CRYBG3: variants seen among roughly 807,000 people sequenced by gnomAD.
CRYBG3 encodes the protein crystallin beta-gamma domain containing 3.
CRYBG3 carries 127 observed loss-of-function variants against 244.2 expected under a neutral mutation model. The ratio of observed to expected loss-of-function variants is 0.52; its 90% confidence interval spans 0.45 to 0.60. CRYBG3 has a LOEUF of 0.60. CRYBG3 is among the 20% of genes least tolerant of loss of function. The pLI is 0.00. For synonymous variants in CRYBG3, 1,132 were observed against 1,195.8 expected (o/e 0.95, Z 1.10); for missense variants, 3,325 against 3,442.5 (o/e 0.97, Z 0.85).
rs1250383068 is a variant in CRYBG3, at chr3:97,872,974, A to G, written c.1780A>G (p.Ile594Val). 3.9e-6 allele frequency: 6 copies of G among 1,535,608 alleles called. No homozygotes were observed. Among genetic ancestry groups the G allele is most frequent in the Non-Finnish European group, 5.2e-6 (6 of 1,146,740 alleles). Residue 594 changes from isoleucine to valine, a missense_variant, in exon 4 of 22, where the codon ATC becomes GTC. By Grantham distance (29) the Ile-to-Val change is conservative (BLOSUM62 3). Coordinates refer to ENST00000389622, the MANE Select transcript of CRYBG3 (RefSeq NM_153605.4). ...AAAAGACCTGGCCTCTTTAAATTACATCAGTGAATCAGCAGTTGTAGCAAG... is the reference window on the plus strand; with the variant it reads ...AAAAGACCTGGCCTCTTTAAATTACGTCAGTGAATCAGCAGTTGTAGCAAG... ...NKKDLASLNY[I>V]SESAVVASLG...
intron 7 of CRYBG3, among the ~76,000 whole-genome samples, chr3:97,883,434 C>T (rs1212659705): frequency 6.6e-6 from 1 of 152,042 alleles, no homozygotes; most frequent in Non-Finnish European, 1.5e-5. Context: ...ATGCCAAGGC[C>T]TAGTGGGAAA....
At position 97,896,100 on chromosome 3, in the gene CRYBG3, T is replaced by C; in HGVS notation, c.7701+15T>C. The C allele has an allele frequency of 6.3e-7, 1 of 1,588,676 alleles. No individual in the cohort carries two copies. ...ACTTACAAGCTGTGAGTTAGCTTCC[T>C]TATCCTTAATTTTCTACCTTTTAAA... On this transcript the variant is annotated intron_variant, in intron 12 of 21. Transcript: ENST00000389622.
In CRYBG3 at chr3:97,880,126, G is replaced by T. The variant is rs558419424; in HGVS notation, c.7004+26G>T. 29 of 1,206,866 alleles carry T rather than the reference G, an allele frequency of 2.4e-5. 1 individual carries two copies. Among genetic ancestry groups the T allele is most frequent in the Non-Finnish European group, 1.7e-5 (14 of 840,180 alleles). The allele number at this position is 1,206,866 out of a possible 1,614,324, so 74.8% of individuals were successfully genotyped here. A position where few individuals can be genotyped will look rare whatever the true frequency, so the allele number is the denominator to read the frequency against. On this transcript the variant is annotated intron_variant, in intron 6 of 21. Transcript: ENST00000389622. Reference sequence around the variant, plus strand: ...GTAAGAAGTTTCTTAAAATTTTATAGCATATTTTCTTAAATTAAATGTGTC... The same window carrying T: ...GTAAGAAGTTTCTTAAAATTTTATATCATATTTTCTTAAATTAAATGTGTC...
Position 97,873,607 on chromosome 3 carries a change from T to G in CRYBG3, c.2413T>G (p.Leu805Val). ...SIIEKSDSLS[L>V]EAKTANIVSK... Reference sequence around the variant, plus strand: ...AATAGAGAAGTCTGATTCTCTTTCCTTGGAAGCCAAAACTGCTAACATTGT... The same window carrying G: ...AATAGAGAAGTCTGATTCTCTTTCCGTGGAAGCCAAAACTGCTAACATTGT... Residue 805 changes from leucine to valine, a missense_variant, in exon 4 of 22, where the codon TTG (leucine) becomes GTG (valine). Around this residue, in one of 4 missense-constraint regions of CRYBG3, gnomAD observed 1,526 missense variants for 1,443.2 expected, o/e 1.06. Coordinates refer to ENST00000389622, the MANE Select transcript of CRYBG3 (RefSeq NM_153605.4). The G allele has an allele frequency of 6.5e-7, 1 of 1,534,456 alleles. No individual in the cohort carries two copies. The highest frequency in any genetic ancestry group is 8.7e-7 in the Non-Finnish European group (1 of 1,146,274).
In CRYBG3 at chr3:97,890,157, A is replaced by G. The variant is rs574747520; in HGVS notation, c.7440+767A>G. ...CAGCCACATAGATGTAGTCTTTTAA[A>G]ACTTCTTTATCTGAGTGTATCTAAT... On this transcript the variant is annotated intron_variant, in intron 10 of 21. Transcript: ENST00000389622. Among the ~76,000 whole-genome samples, 4 of 152,268 alleles carry G rather than the reference A, an allele frequency of 2.6e-5. No individual in the cohort carries two copies. In the South Asian group the frequency reaches 8.3e-4, roughly 32 times the overall value.
chr3:97,863,053 A>G (rs1439977976), intron 2 of CRYBG3, among the ~76,000 whole-genome samples: 1 of 152,158 alleles, frequency 6.6e-6, no homozygotes, highest in East Asian at 1.9e-4. Flanking sequence ...AAATGACATT[A>G]TAATTATGAT....
At position 97,876,580 on chromosome 3, in the gene CRYBG3, A is replaced by C; in HGVS notation, c.5386A>C (p.Ile1796Leu). The change falls in exon 4 of 22, where the codon ATT (isoleucine) becomes CTT (leucine). Residue 1796 changes from isoleucine to leucine, a missense_variant. Ile to Leu is a conservative substitution (Grantham distance 5, BLOSUM62 2). Transcript: ENST00000389622. The stretch of plus-strand genomic sequence containing the variant: ...TTACCGAAAGACTGCTGAAGAGGTC[A>C]TTAAGAATACTGAAATAGTACCGTG... Reference protein sequence around the residue: ...ATYRKTAEEVIKNTEIVPCVL... With the variant: ...ATYRKTAEEVLKNTEIVPCVL... 8.1e-7 allele frequency: 1 copy of C among 1,232,610 alleles called. No individual in the cohort carries two copies. Among genetic ancestry groups the C allele is most frequent in the Non-Finnish European group, 1.0e-6 (1 of 988,302 alleles). 76.4% of individuals were successfully genotyped at this position (1,232,610 alleles called of 1,614,324 possible).
chr3:97,933,849 A>C lies in CRYBG3; in HGVS notation c.8381+16A>C, dbSNP rs1159211275. ...AAAGTGGACTGTAAGTATGGGAAAAAGGCTTGGTCTGGTTCAGTTACTGTT... is the reference window on the plus strand; with the variant it reads ...AAAGTGGACTGTAAGTATGGGAAAACGGCTTGGTCTGGTTCAGTTACTGTT... On this transcript the variant is annotated intron_variant, in intron 18 of 21. Coordinates refer to ENST00000389622, the MANE Select transcript of CRYBG3 (RefSeq NM_153605.4). 1.9e-6 allele frequency: 3 copies of C among 1,608,290 alleles called. No individual in the cohort carries two copies. In the African/African-American group the frequency reaches 4.0e-5, roughly 22 times the overall value.
intron 7 of CRYBG3, among the ~76,000 whole-genome samples, chr3:97,881,846 A>G (rs1484438212): frequency 6.6e-6 from 1 of 152,160 alleles, no homozygotes; most frequent in Non-Finnish European, 1.5e-5. Flanking sequence ...ACTATACACT[A>G]TACTATAATA....
chr3:97,918,295 C>A (rs888346024), intron 17 of CRYBG3, among the ~76,000 whole-genome samples: 28 of 152,178 alleles, frequency 1.8e-4, no homozygotes, highest in African/African-American at 6.3e-4. Context: ...TCCAGGCTAA[C>A]TTCTGTTGGT....
intron 2 of CRYBG3, among the ~76,000 whole-genome samples, chr3:97,853,046 G>T (rs1203084219): frequency 6.6e-6 from 1 of 152,046 alleles, no homozygotes; most frequent in Non-Finnish European, 1.5e-5. Context: ...AGTAGCACAG[G>T]TGGTGTTTGG....
intron 11 of CRYBG3, among the ~76,000 whole-genome samples, chr3:97,894,438 T>G (rs1444022638): frequency 6.6e-6 from 1 of 152,172 alleles, no homozygotes; most frequent in Admixed American, 6.6e-5. Flanking sequence ...TCTACCATTT[T>G]TTGGTTTTGT....
At chr3:97,856,070 G>C (rs2039059447) in intron 2 of CRYBG3, among the ~76,000 whole-genome samples, 1 of 152,052 alleles carries the variant, frequency 6.6e-6, no homozygotes, top group African/African-American at 2.4e-5. Context: ...CACCCCTACA[G>C]CCTCGACCAT....
Position 97,828,888 on chromosome 3 carries a change from A to T in CRYBG3, c.149+6533A>T, listed in dbSNP as rs551950721. Among the ~76,000 whole-genome samples the T allele has an allele frequency of 4.6e-5, 7 of 152,030 alleles. No homozygotes were observed. In the South Asian group the frequency reaches 1.5e-3, roughly 32 times the overall value. ...CAAACAAAAAAAAACTTAAGCTACA[A>T]CTAATTGTGTATAGTATGCCCCATT... On this transcript the variant is annotated intron_variant, in intron 1 of 21. Coordinates refer to ENST00000389622, the MANE Select transcript of CRYBG3 (RefSeq NM_153605.4).
In CRYBG3 at chr3:97,943,531, T is replaced by C. The variant is rs2040280419; in HGVS notation, c.*217T>C. 2.0e-6 allele frequency: 1 copy of C among 499,516 alleles called. No homozygotes were observed. Among genetic ancestry groups the C allele is most frequent in the South Asian group, 2.7e-5 (1 of 37,156 alleles). The allele number at this position is 499,516 out of a possible 1,614,324, so 30.9% of individuals were successfully genotyped here. A position where few individuals can be genotyped will look rare whatever the true frequency, so the allele number is the denominator to read the frequency against. On this transcript the variant is annotated 3_prime_UTR_variant, in exon 22 of 22. Transcript: ENST00000389622. Reference sequence around the variant, plus strand: ...CAGTGTTCCTATAAAGAAAATATTATGATATCTTGGAAAGGTTCTATTCCT... The same window carrying C: ...CAGTGTTCCTATAAAGAAAATATTACGATATCTTGGAAAGGTTCTATTCCT...
intron 3 of CRYBG3, among the ~76,000 whole-genome samples, chr3:97,866,066 C>T (rs2039226761): frequency 6.6e-6 from 1 of 152,126 alleles, no homozygotes. Context: ...GAAGTCTAAT[C>T]TGTTAATAAG....
chr3:97,881,078 T>A lies in CRYBG3; in HGVS notation c.7011T>A (p.Ile2337=), dbSNP rs369745518. 1 of 1,586,732 alleles carries A rather than the reference T, an allele frequency of 6.3e-7. No homozygotes were observed. Among genetic ancestry groups the A allele is most frequent in the African/African-American group, 1.4e-5 (1 of 73,270 alleles). Reference sequence around the variant, plus strand: ...TGCATTTCTCTTTGTTTAGCTGGATTTTATATGAGAAACCACATTTCCGAG... The same window carrying A: ...TGCATTTCTCTTTGTTTAGCTGGATATTATATGAGAAACCACATTTCCGAG... The part of the protein sequence containing the change: ...VLIKVVRGCW[I]LYEKPHFRGQ... Residue 2337 remains isoleucine, a synonymous_variant, in exon 7 of 22, where the codon ATT becomes ATA. Transcript: ENST00000389622.
At chr3:97,909,798 C>T (rs1469125747) in intron 15 of CRYBG3, among the ~76,000 whole-genome samples, 8 of 150,070 alleles carry the variant, frequency 5.3e-5, no homozygotes, top group Admixed American at 1.3e-4. Flanking sequence ...TGAGGAACTG[C>T]GTTCCTTTGG....
At chr3:97,938,164 T>C (rs2040185357) in intron 19 of CRYBG3, among the ~76,000 whole-genome samples, 2 of 124,676 alleles carry the variant, frequency 1.6e-5, no homozygotes, top group African/African-American at 2.6e-5. Context: ...TAGGAATTAT[T>C]ATCCCCATTT....
Sources: allele counts gnomAD v4.1 joint callset (sites outside exome capture counted in the v4.1 genomes callset), GRCh38; gene constraint gnomAD v4.1.1; regional missense constraint gnomAD v4.1.1; transcripts MANE v1.5; gene names NCBI Gene and HGNC (gene_info 2026-07-23, HGNC 2026-07-21).